CD8B2: variants seen among roughly 807,000 people sequenced by gnomAD.
CD8B2 encodes CD8B family member 2.
CD8B2 carries 11 observed loss-of-function variants against 23.7 expected under a neutral mutation model. That is an observed-to-expected ratio of 0.46 (90% CI 0.29 to 0.77). The LOEUF (loss-of-function observed/expected upper bound fraction) is 0.77, where lower values mean the gene tolerates loss of function less well. Ranked by LOEUF, CD8B2 falls within the 30% of genes least tolerant of loss-of-function variation. CD8B2 has a pLI of 0.09. For synonymous variants in CD8B2, 90 were observed against 109.3 expected, an observed-to-expected ratio of 0.82 and a Z score of 1.10; for missense variants, 197 against 270.5, an observed-to-expected ratio of 0.73 and a Z score of 1.91.
At chr2:106,514,232 G>A (rs540280791), downstream of CD8B2, among the ~76,000 whole-genome samples, 56 of 151,228 alleles carry the variant, frequency 3.7e-4, no homozygotes, top group African/African-American at 1.3e-3. Flanking sequence ...GCGCCTGTGT[G>A]TGCTTCTGTG....
chr2:106,498,502 C>T (rs1679341670), intron 3 of CD8B2, among the ~76,000 whole-genome samples: 1 of 152,120 alleles, frequency 6.6e-6, no homozygotes, highest in Non-Finnish European at 1.5e-5. Flanking sequence ...AAAATGCAAA[C>T]CAAAGATTAA....
At chr2:106,519,529 T>A (rs900432400) in intron 5 of CD8B2, among the ~76,000 whole-genome samples, 2 of 152,194 alleles carry the variant, frequency 1.3e-5, no homozygotes, top group Admixed American at 6.5e-5. Flanking sequence ...TGGAGAGCGT[T>A]CCTGACTAGT....
intron 4 of CD8B2, among the ~76,000 whole-genome samples, chr2:106,502,989 G>C (rs1438487605): frequency 6.6e-6 from 1 of 151,312 alleles, no homozygotes; most frequent in African/African-American, 2.4e-5. Flanking sequence ...TATGGGGTTT[G>C]TGTTGTGTTC....
intron 5 of CD8B2, among the ~76,000 whole-genome samples, chr2:106,540,485 C>G (rs1230192368): frequency 1.3e-5 from 2 of 152,120 alleles, no homozygotes; most frequent in Non-Finnish European, 2.9e-5. Context: ...TCTGGGTGAG[C>G]CAAGCAGGCA....
At chr2:106,505,581 G>A (rs1268667893) in intron 5 of CD8B2, among the ~76,000 whole-genome samples, 7 of 152,130 alleles carry the variant, frequency 4.6e-5, no homozygotes, top group East Asian at 1.9e-4. Flanking sequence ...GTGCAGCAAC[G>A]GACAAACAAA....
intron 5 of CD8B2, among the ~76,000 whole-genome samples, chr2:106,536,325 C>T (rs2104575945): frequency 6.6e-6 from 1 of 152,252 alleles, no homozygotes; most frequent in East Asian, 1.9e-4. Context: ...AACCACTGCG[C>T]CTGGCCACCA....
intron 5 of CD8B2, among the ~76,000 whole-genome samples, chr2:106,521,078 C>T (rs1029768304): frequency 6.1e-5 from 9 of 147,734 alleles, no homozygotes; most frequent in East Asian, 4.0e-4. Context: ...GAGACAGATG[C>T]GAGAATGGAA....
intron 2 of CD8B2, among the ~76,000 whole-genome samples, chr2:106,495,825 G>T (rs879470210): frequency 2.0e-5 from 3 of 152,196 alleles, no homozygotes; most frequent in Non-Finnish European, 4.4e-5. Context: ...TTGAGACAGG[G>T]TCTTGCTCTG....
intron 3 of CD8B2, among the ~76,000 whole-genome samples, chr2:106,500,551 A>AATAAATAC (rs1293947384): frequency 3.3e-5 from 5 of 150,996 alleles, no homozygotes; most frequent in African/African-American, 1.2e-4. Context: ...TAAATAAATA[A>AATAAATAC]ATAAATAAAT....
rs1469846799 is a variant in CD8B2, at chr2:106,490,407, G to C, written c.44-467G>C. 5.3e-4 allele frequency among the ~76,000 whole-genome samples: 81 copies of C among 151,984 alleles called. 1 individual carries two copies. In the East Asian group the frequency reaches 0.013, roughly 25 times the overall value. ...CCTTTTGTGGTGGTACATGCCTATAGTCTCAGCTACTTGGGAGGCTGAGGT... is the reference window on the plus strand; with the variant it reads ...CCTTTTGTGGTGGTACATGCCTATACTCTCAGCTACTTGGGAGGCTGAGGT... On this transcript the variant is annotated intron_variant, in intron 1 of 5. Transcript: ENST00000643224.
Position 106,490,946 on chromosome 2 carries a change from T to C in CD8B2, c.116T>C (p.Leu39Pro). 6.2e-7 allele frequency: 1 copy of C among 1,613,898 alleles called. No individual in the cohort carries two copies. The highest frequency in any genetic ancestry group is 8.5e-7 in the Non-Finnish European group (1 of 1,179,812). ...GTGCAAACCAACAAGATGGTGATGC[T>C]GTCCTGCGAGGCTAAAATCTCCCTC... ...IKVQTNKMVMLSCEAKISLSN... is the reference protein window; with the variant it reads ...IKVQTNKMVMPSCEAKISLSN... Residue 39 changes from leucine (L) to proline (P), a missense_variant, in exon 2 of 6, where the codon CTG becomes CCG. Leu to Pro is a moderately conservative substitution (Grantham distance 98). Transcript: ENST00000643224.
intron 5 of CD8B2, among the ~76,000 whole-genome samples, chr2:106,531,401 G>A (rs988250537): frequency 6.6e-6 from 1 of 152,270 alleles, no homozygotes; most frequent in Middle Eastern, 3.4e-3. Context: ...AACATCAGAC[G>A]CTGAAACGGG....
At chr2:106,494,658 T>C (rs1679264582) in intron 2 of CD8B2, among the ~76,000 whole-genome samples, 1 of 152,158 alleles carries the variant, frequency 6.6e-6, no homozygotes, top group Admixed American at 6.5e-5. Context: ...CACAGCTGTC[T>C]TCCTTTGCTC....
chr2:106,516,400 A>C (rs570912585), intron 5 of CD8B2, among the ~76,000 whole-genome samples: 1 of 152,222 alleles, frequency 6.6e-6, no homozygotes, highest in Admixed American at 6.5e-5. Flanking sequence ...CTGACCCGAT[A>C]CCTTCTTTCC....
At chr2:106,542,343 C>T (rs1034549257) in intron 5 of CD8B2, among the ~76,000 whole-genome samples, 4 of 152,176 alleles carry the variant, frequency 2.6e-5, no homozygotes, top group Admixed American at 2.0e-4. Flanking sequence ...GTGACTTATA[C>T]ACATATGAGG....
At chr2:106,489,987 A>G (rs554391585) in intron 1 of CD8B2, among the ~76,000 whole-genome samples, 179 of 152,092 alleles carry the variant, frequency 1.2e-3, no homozygotes, top group African/African-American at 4.0e-3. Flanking sequence ...TCAGAGTCTA[A>G]GATGAACTCC....
chr2:106,493,059 C>T (rs1679223704), intron 2 of CD8B2, among the ~76,000 whole-genome samples: 1 of 152,130 alleles, frequency 6.6e-6, no homozygotes, highest in Non-Finnish European at 1.5e-5. Flanking sequence ...TCACTCCTGA[C>T]TTCAGTGTTT....
rs1391164861 is a variant in CD8B2 at position 106,506,926 on chromosome 2, A to G, written c.621-2A>G. On this transcript the variant is annotated splice_acceptor_variant, in intron 5 of 5. Transcript: ENST00000643224. LOFTEE classifies it high-confidence loss of function. ...GGTTTCACAACTTGCTGTTGTTTTC[A>G]GATTTTACAAATGAGCAGAGAATAC... is the stretch of plus-strand genomic sequence containing the variant. 1 of 1,593,806 alleles carries G rather than the reference A, an allele frequency of 6.3e-7. No individual in the cohort carries two copies. The highest frequency in any genetic ancestry group is 1.8e-5 in the Admixed American group (1 of 56,660).
chr2:106,526,461 AC>A (rs1304043675), intron 5 of CD8B2, among the ~76,000 whole-genome samples: 1 of 152,066 alleles, frequency 6.6e-6, no homozygotes, highest in Non-Finnish European at 1.5e-5. Context: ...CTCCTAATTT[AC>A]TGTCTTCATA....
Sources: gnomAD v4.1 joint callset for allele counts (sites outside exome capture counted in the v4.1 genomes callset) on GRCh38, gnomAD v4.1.1 for gene constraint, MANE v1.5 for transcripts, NCBI Gene and HGNC (gene_info 2026-07-23, HGNC 2026-07-21) for gene names.